FMO4: variants seen among roughly 807,000 people sequenced by gnomAD.
The protein encoded by FMO4 is flavin containing dimethylaniline monoxygenase 4.
In FMO4, 38 loss-of-function variants were observed where a neutral mutation model predicts 43.3. The ratio of observed to expected loss-of-function variants is 0.88; its 90% CI spans 0.68 to 1.15. The LOEUF (loss-of-function observed/expected upper bound fraction) is 1.15, where lower values mean the gene tolerates loss of function less well. Among genes scored for constraint, FMO4 ranks in the 50% most tolerant of loss-of-function variants. FMO4 has a pLI of 0.00. For missense variants in FMO4, 631 were observed against 663.3 expected, an observed-to-expected ratio of 0.95 and a Z score of 0.54; for synonymous variants, 224 against 232.2, an observed-to-expected ratio of 0.96 and a Z score of 0.32.
In FMO4 at chr1:171,342,031, TCTACCCTG is replaced by T; in HGVS notation, c.*198_*205del. The T allele has an allele frequency of 1.8e-6, 1 of 569,426 alleles. No homozygotes were observed. Among genetic ancestry groups the T allele is most frequent in the African/African-American group, 1.9e-5 (1 of 53,572 alleles). The allele number at this position is 569,426 out of a possible 1,614,324, so 35.3% of individuals were successfully genotyped here. ...TCTTGCCACCCTTTCCAATGCATCT[TCTACCCTG>T]CTACCTCAGTGATTATTCTAAAATA... is the stretch of plus-strand genomic sequence containing the variant. On this transcript the variant is annotated 3_prime_UTR_variant, in exon 10 of 10. Coordinates refer to ENST00000367749, the MANE Select transcript of FMO4 (RefSeq NM_002022.3).
intron 2 of FMO4, among the ~76,000 whole-genome samples, chr1:171,318,178 G>A (rs994297625): frequency 2.6e-5 from 4 of 151,972 alleles, no homozygotes; most frequent in African/African-American, 9.7e-5. Flanking sequence ...TTAGCTGGGC[G>A]TGGTGACAGG....
chr1:171,315,579 G>A (rs560090142), intron 1 of FMO4, among the ~76,000 whole-genome samples: 1 of 152,236 alleles, frequency 6.6e-6, no homozygotes, highest in South Asian at 2.1e-4. Flanking sequence ...TGTGTCCAGG[G>A]TTACAAGCTG....
At chr1:171,319,337 C>G (rs1189743156) in intron 2 of FMO4, among the ~76,000 whole-genome samples, 1 of 152,190 alleles carries the variant, frequency 6.6e-6, no homozygotes, top group Non-Finnish European at 1.5e-5. Flanking sequence ...CTCTGCCACA[C>G]TGCTCTGCTC....
intron 8 of FMO4, 106 bp from the exon 9 acceptor site, chr1:171,337,250 G>A (rs144103421): frequency 8.2e-5 from 64 of 779,864 alleles, no homozygotes; most frequent in Non-Finnish European, 1.3e-4. Flanking sequence ...TGACTATCAT[G>A]TGCTCTGAAG....
At chr1:171,338,678 G>T (rs1302363185) in intron 9 of FMO4, among the ~76,000 whole-genome samples, 1 of 152,126 alleles carries the variant, frequency 6.6e-6, no homozygotes, top group Non-Finnish European at 1.5e-5. Flanking sequence ...AACACTATAT[G>T]TGACAGCAAC....
chr1:171,321,322 A>G (rs182389247), intron 3 of FMO4, among the ~76,000 whole-genome samples: 3 of 152,308 alleles, frequency 2.0e-5, no homozygotes, highest in East Asian at 3.9e-4. Flanking sequence ...TCATATATAT[A>G]CAGTTGTCTC....
At chr1:171,325,816 C>CTTTTTTTTTT (rs1558037717) in intron 5 of FMO4, among the ~76,000 whole-genome samples, 3 of 75,594 alleles carry the variant, frequency 4.0e-5, no homozygotes, top group African/African-American at 1.3e-4. Context: ...CATAGACTAT[C>CTTTTTTTTTT]CTTTTTTTTT....
At position 171,334,562 on chromosome 1, in the gene FMO4, A is replaced by G. The variant is rs1663035086; in HGVS notation, c.979A>G (p.Thr327Ala). The stretch of plus-strand genomic sequence containing the variant: ...AGAAAACATTGATGTTGTGATCTTC[A>G]CTACAGGATATACATTTTCTTTTCC... ...VEENIDVVIF[T>A]TGYTFSFPFF... Residue 327 changes from threonine (T) to alanine (A), a missense_variant, in exon 8 of 10, where the codon ACT becomes GCT. By Grantham distance (58) the Thr-to-Ala change is moderately conservative. Transcript: ENST00000367749. The G allele has an allele frequency of 2.5e-6, 4 of 1,613,674 alleles. No homozygotes were observed. Among genetic ancestry groups the G allele is most frequent in the African/African-American group, 2.7e-5 (2 of 74,932 alleles).
chr1:171,319,453 C>T (rs1344357865), intron 2 of FMO4, among the ~76,000 whole-genome samples: 2 of 152,164 alleles, frequency 1.3e-5, no homozygotes, highest in African/African-American at 2.4e-5. Flanking sequence ...TGCCTGTTCT[C>T]ATTTAGGGCT....
chr1:171,334,510 T>C lies in FMO4; in HGVS notation c.927T>C (p.Ser309=). ...KTSVIEFTET[S]AVFEDGTVEE... ...GCGTGATTGAATTTACAGAAACCTCTGCTGTCTTTGAAGATGGGACAGTGG... is the reference window on the plus strand; with the variant it reads ...GCGTGATTGAATTTACAGAAACCTCCGCTGTCTTTGAAGATGGGACAGTGG... The change falls in exon 8 of 10, where the codon TCT becomes TCC. Residue 309 remains serine, a synonymous_variant. Transcript: ENST00000367749. 6.2e-7 allele frequency: 1 copy of C among 1,613,798 alleles called. No individual in the cohort carries two copies. Among genetic ancestry groups the C allele is most frequent in the Non-Finnish European group, 8.5e-7 (1 of 1,179,718 alleles).
intron 3 of FMO4, among the ~76,000 whole-genome samples, chr1:171,322,326 A>T (rs941550579): frequency 6.6e-6 from 1 of 152,216 alleles, no homozygotes; most frequent in Non-Finnish European, 1.5e-5. Context: ...CCAGGGCATG[A>T]GTGGAGGGAG....
intron 3 of FMO4, among the ~76,000 whole-genome samples, chr1:171,322,312 A>G (rs1242684271): frequency 6.6e-6 from 1 of 152,236 alleles, no homozygotes; most frequent in African/African-American, 2.4e-5. Flanking sequence ...AAAAAGGAAC[A>G]TGTCCAGGGC....
chr1:171,327,420 G>A (rs1662713956), intron 5 of FMO4, among the ~76,000 whole-genome samples: 1 of 152,064 alleles, frequency 6.6e-6, no homozygotes, highest in Non-Finnish European at 1.5e-5. Context: ...TATGGTTCTG[G>A]GCAAGTTGCT....
In FMO4 at chr1:171,319,818, AG is replaced by A; in HGVS notation, c.-7del. ...GTTCTGCTTGACTTTCCTCTAACAG[AG>A]CATACCATGGCCAAGAAAGTTGCAG... On this transcript the variant is annotated splice_region_variant and 5_prime_UTR_variant, in exon 3 of 10. Coordinates refer to ENST00000367749, the MANE Select transcript of FMO4 (RefSeq NM_002022.3). 1 of 1,613,620 alleles carries A rather than the reference AG, an allele frequency of 6.2e-7. No homozygotes were observed. The highest frequency in any genetic ancestry group is 8.5e-7 in the Non-Finnish European group (1 of 1,179,660).
chr1:171,321,432 T>G (rs1662419324), intron 3 of FMO4, among the ~76,000 whole-genome samples: 1 of 152,158 alleles, frequency 6.6e-6, no homozygotes, highest in African/African-American at 2.4e-5. Context: ...AATATTTGCA[T>G]GTAGCCTACA....
At chr1:171,336,987 G>A (rs191085952) in intron 8 of FMO4, among the ~76,000 whole-genome samples, 4,993 of 134,250 alleles carry the variant, frequency 0.037, 118 homozygotes, top group Admixed American at 0.047. Context: ...ACACACACAC[G>A]TACAATGTGG....
At chr1:171,325,712 G>C (rs1662629079) in intron 5 of FMO4, among the ~76,000 whole-genome samples, 1 of 147,984 alleles carries the variant, frequency 6.8e-6, no homozygotes, top group African/African-American at 2.5e-5. Flanking sequence ...AAAATGTGCT[G>C]TAAGTGCCAA....
At chr1:171,327,733 G>A (rs1396124969) in intron 5 of FMO4, among the ~76,000 whole-genome samples, 2 of 152,076 alleles carry the variant, frequency 1.3e-5, no homozygotes, top group South Asian at 2.1e-4. Context: ...TGGGCAATAT[G>A]GTGAAACCCT....
At chr1:171,332,669 G>T in intron 6 of FMO4, 40 bp from the exon 7 acceptor site, 1 of 1,528,756 alleles carries the variant, frequency 6.5e-7, no homozygotes, top group South Asian at 1.1e-5. Flanking sequence ...ACAAAATGAT[G>T]AACATTTATT....
Sources: gnomAD v4.1 joint callset for allele counts (sites outside exome capture counted in the v4.1 genomes callset) on GRCh38, gnomAD v4.1.1 for gene constraint, MANE v1.5 for transcripts, NCBI Gene and HGNC (gene_info 2026-07-23, HGNC 2026-07-21) for gene names.